NEDD4L: variants seen among roughly 807,000 people sequenced by gnomAD.
The protein encoded by NEDD4L is NEDD4 like E3 ubiquitin protein ligase, also known as E3 ubiquitin-protein ligase NEDD4-like.
Under a neutral mutation model 148.9 loss-of-function variants are expected in NEDD4L, and 54 were observed. That is an observed-to-expected ratio of 0.36 (90% CI 0.29 to 0.45). The LOEUF (loss-of-function observed/expected upper bound fraction) is 0.45, where lower values mean the gene tolerates loss of function less well. Ranked by LOEUF, NEDD4L falls within the 20% of genes least tolerant of loss-of-function variation. The pLI is 1.00. For synonymous variants in NEDD4L, 433 were observed against 440.7 expected (o/e 0.98, Z 0.22); for missense variants, 856 against 1,233.8 (o/e 0.69, Z 4.59).
intron 1 of NEDD4L, among the ~76,000 whole-genome samples, chr18:58,148,409 G>T (rs1248102944): frequency 6.6e-6 from 1 of 152,032 alleles, no homozygotes; most frequent in East Asian, 1.9e-4. Context: ...CAAGTTATCT[G>T]CCTGCCTCAG....
chr18:58,086,463 CAT>C (rs2083764773), intron 1 of NEDD4L, among the ~76,000 whole-genome samples: 2 of 152,108 alleles, frequency 1.3e-5, no homozygotes, highest in Admixed American at 6.5e-5. Flanking sequence ...TGTACATTCT[CAT>C]ATATTTATTT....
At chr18:58,116,257 CA>C (rs1310903465) in intron 1 of NEDD4L, among the ~76,000 whole-genome samples, 1 of 152,184 alleles carries the variant, frequency 6.6e-6, no homozygotes, top group Non-Finnish European at 1.5e-5. Context: ...TGTGAGTCAC[CA>C]AATCAACCAC....
chr18:58,057,990 C>T (rs1158754647), intron 1 of NEDD4L, among the ~76,000 whole-genome samples: 1 of 152,184 alleles, frequency 6.6e-6, no homozygotes, highest in Non-Finnish European at 1.5e-5. Context: ...TCAGCCATTC[C>T]AATTTCTTAA....
At chr18:58,295,431 T>C (rs180993200) in intron 5 of NEDD4L, among the ~76,000 whole-genome samples, 1 of 152,318 alleles carries the variant, frequency 6.6e-6, no homozygotes, top group Non-Finnish European at 1.5e-5. Context: ...CCTCCGTGCC[T>C]CTTCATGGCC....
chr18:58,392,832 C>G (rs1458507431), intron 30 of NEDD4L, among the ~76,000 whole-genome samples: 1 of 152,162 alleles, frequency 6.6e-6, no homozygotes. Context: ...GAAACTCAAG[C>G]TCATAATACT....
chr18:58,307,475 A>T (rs962139957), intron 5 of NEDD4L, among the ~76,000 whole-genome samples: 3 of 152,234 alleles, frequency 2.0e-5, no homozygotes, highest in Admixed American at 1.3e-4. Flanking sequence ...TAGAATGCCA[A>T]TGCCTACATT....
intron 1 of NEDD4L, among the ~76,000 whole-genome samples, chr18:58,058,796 G>T (rs2082198939): frequency 6.6e-6 from 1 of 152,184 alleles, no homozygotes; most frequent in African/African-American, 2.4e-5. Flanking sequence ...AGACTCAATA[G>T]CACCTTTCTG....
At chr18:58,224,742 T>C (rs915266682) in intron 2 of NEDD4L, among the ~76,000 whole-genome samples, 3 of 152,280 alleles carry the variant, frequency 2.0e-5, no homozygotes, top group Admixed American at 2.0e-4. Flanking sequence ...AAATATTTCC[T>C]AAGTGTCTCT....
chr18:58,084,034 A>T (rs2083615220), intron 1 of NEDD4L, among the ~76,000 whole-genome samples: 2 of 152,188 alleles, frequency 1.3e-5, no homozygotes, highest in African/African-American at 4.8e-5. Context: ...CCCGGCCCAA[A>T]GCTTTTTTTT....
intron 2 of NEDD4L, among the ~76,000 whole-genome samples, chr18:58,228,723 G>T (rs945715154): frequency 6.6e-6 from 1 of 152,228 alleles, no homozygotes; most frequent in Non-Finnish European, 1.5e-5. Context: ...AGGGAGGTCT[G>T]TGTGGAGGCA....
intron 24 of NEDD4L, among the ~76,000 whole-genome samples, chr18:58,375,494 C>T (rs898874032): frequency 6.6e-6 from 1 of 152,084 alleles, no homozygotes; most frequent in South Asian, 2.1e-4. Flanking sequence ...CCAGACCTAC[C>T]CCCCTCTGGC....
intron 9 of NEDD4L, among the ~76,000 whole-genome samples, chr18:58,326,048 T>G (rs2059280108): frequency 6.6e-6 from 1 of 152,170 alleles, no homozygotes; most frequent in Non-Finnish European, 1.5e-5. Flanking sequence ...TCTTGTCTAC[T>G]CGAACTCTGA....
intron 2 of NEDD4L, among the ~76,000 whole-genome samples, chr18:58,187,713 A>C (rs2039627437): frequency 6.6e-6 from 1 of 152,222 alleles, no homozygotes; most frequent in Non-Finnish European, 1.5e-5. Flanking sequence ...AAGACGATTA[A>C]ATGCACGATT....
chr18:58,086,071 T>G (rs1049790331), intron 1 of NEDD4L, among the ~76,000 whole-genome samples: 1 of 152,230 alleles, frequency 6.6e-6, no homozygotes, highest in Non-Finnish European at 1.5e-5. Flanking sequence ...ATATTGAAGT[T>G]TGAGTTGTTG....
chr18:58,259,907 C>G (rs2049124117), intron 5 of NEDD4L, among the ~76,000 whole-genome samples: 1 of 152,174 alleles, frequency 6.6e-6, no homozygotes, highest in Non-Finnish European at 1.5e-5. Flanking sequence ...AAAGGAATAT[C>G]CAAATTCTTT....
At chr18:58,247,518 A>C (rs1261039405) in intron 3 of NEDD4L, 1 of 152,156 alleles carries the variant, frequency 6.6e-6, no homozygotes, top group Non-Finnish European at 1.5e-5. Flanking sequence ...GGGCTATTGC[A>C]ATGGATTTCC....
chr18:58,094,554 C>G (rs535327646), intron 1 of NEDD4L, among the ~76,000 whole-genome samples: 25 of 152,306 alleles, frequency 1.6e-4, no homozygotes, highest in African/African-American at 6.0e-4. Context: ...ACCCGGCATT[C>G]TTGTGCCTGA....
At chr18:58,138,023 G>T (rs2033049517) in intron 1 of NEDD4L, among the ~76,000 whole-genome samples, 1 of 152,152 alleles carries the variant, frequency 6.6e-6, no homozygotes, top group South Asian at 2.1e-4. Context: ...TCTGACCTGG[G>T]CAGGGCCCCG....
In NEDD4L at chr18:58,396,713, A is replaced by ATT. The variant is rs11433892; in HGVS notation, c.*457_*458dup. On this transcript the variant is annotated 3_prime_UTR_variant, in exon 31 of 31. Transcript: ENST00000400345. ...GTCTCATGTACTTGGAAAAGTGAGC[A>ATT]TTTTTTTTTTTTTTGTATTTCACTT... is the stretch of plus-strand genomic sequence containing the variant. 1,515 of 143,610 alleles carry ATT rather than the reference A, an allele frequency of 0.011. 22 individuals carry two copies. Among genetic ancestry groups the ATT allele is most frequent in the African/African-American group, 0.028 (1,111 of 39,030 alleles). 8.9% of individuals were successfully genotyped at this position (143,610 alleles called of 1,614,324 possible). A position where few individuals can be genotyped will look rare whatever the true frequency, so the allele number is the denominator to read the frequency against.
Sources: gnomAD v4.1 joint callset for allele counts (sites outside exome capture counted in the v4.1 genomes callset) on GRCh38, gnomAD v4.1.1 for gene constraint, MANE v1.5 for transcripts, NCBI Gene and HGNC (gene_info 2026-07-23, HGNC 2026-07-21) for gene names.